CNTN5: variants seen among roughly 807,000 people sequenced by gnomAD.
The protein encoded by CNTN5 is contactin 5.
In CNTN5, 77 loss-of-function variants were observed where a neutral mutation model predicts 129.1. The observed-to-expected ratio is 0.60, with a 90% CI of 0.50 to 0.72. CNTN5 has a LOEUF of 0.72. CNTN5 is among the 30% of genes least tolerant of loss of function. CNTN5 has a pLI of 0.00. For missense variants in CNTN5, 1,478 were observed against 1,328.8 expected, an observed-to-expected ratio of 1.11 and a Z score of -1.75; for synonymous variants, 509 against 465.6, an observed-to-expected ratio of 1.09 and a Z score of -1.20.
intron 6 of CNTN5, among the ~76,000 whole-genome samples, chr11:99,848,579 A>G (rs1227117231): frequency 6.6e-6 from 1 of 152,190 alleles, no homozygotes; most frequent in Non-Finnish European, 1.5e-5. Context: ...AAATCAGACT[A>G]AATTTATAAA....
At chr11:100,058,208 A>G (rs761885913) in intron 9 of CNTN5, among the ~76,000 whole-genome samples, 9 of 152,150 alleles carry the variant, frequency 5.9e-5, no homozygotes, top group Non-Finnish European at 8.8e-5. Context: ...AAATTTAAAC[A>G]ATACAATCAA....
chr11:99,490,919 G>GT (rs1946010065), intron 2 of CNTN5, among the ~76,000 whole-genome samples: 1 of 151,146 alleles, frequency 6.6e-6, no homozygotes, highest in East Asian at 1.9e-4. Context: ...AGTTGCCCTT[G>GT]TGTGGGGTTA....
intron 3 of CNTN5, among the ~76,000 whole-genome samples, chr11:99,653,103 A>C (rs1168532158): frequency 2.0e-5 from 3 of 152,012 alleles, no homozygotes; most frequent in Admixed American, 1.3e-4. Context: ...ATTGGTGACA[A>C]CTTTGAAAAA....
chr11:100,023,434 C>T (rs1472746660), intron 9 of CNTN5, among the ~76,000 whole-genome samples: 1 of 152,186 alleles, frequency 6.6e-6, no homozygotes, highest in Non-Finnish European at 1.5e-5. Context: ...CCTACACATT[C>T]TCAGTCTCCT....
chr11:100,350,979 G>T (rs1247026395), intron 24 of CNTN5, 109 bp downstream of exon 24: 1 of 775,964 alleles, frequency 1.3e-6, no homozygotes, highest in Middle Eastern at 2.5e-4. Flanking sequence ...GATTTTGAGG[G>T]ATTTCTCCTC....
At chr11:99,045,146 A>T (rs1864156988) in intron 1 of CNTN5, among the ~76,000 whole-genome samples, 1 of 152,228 alleles carries the variant, frequency 6.6e-6, no homozygotes, top group Non-Finnish European at 1.5e-5. Context: ...GTAGGGTGTG[A>T]ACAAGTTAGT....
In CNTN5 at chr11:99,398,008, T is replaced by C. The variant is rs560934997; in HGVS notation, c.-71+72524T>C. Among the ~76,000 whole-genome samples the C allele has an allele frequency of 1.1e-3, 172 of 151,968 alleles. 5 individuals carry two copies. In the South Asian group the frequency reaches 0.035, roughly 31 times the overall value. ...CTATATTAAGCTAAACATGAGTTCA[T>C]ACTGATGTCTCCCAGTCTAATCTAT... On this transcript the variant is annotated intron_variant, in intron 2 of 24. Coordinates refer to ENST00000524871, the MANE Select transcript of CNTN5 (RefSeq NM_014361.4).
chr11:99,699,616 G>A (rs1250104298), intron 3 of CNTN5, among the ~76,000 whole-genome samples: 1 of 151,504 alleles, frequency 6.6e-6, no homozygotes, highest in African/African-American at 2.4e-5. Flanking sequence ...AGTATTAAGT[G>A]TATATAAATC....
chr11:99,980,702 TTTTG>T (rs1275521371), intron 8 of CNTN5, among the ~76,000 whole-genome samples: 1 of 152,138 alleles, frequency 6.6e-6, no homozygotes, highest in African/African-American at 2.4e-5. Context: ...GTAAGATTCT[TTTTG>T]TTTTTTATTT....
At chr11:99,810,896 C>G (rs556517917) in intron 3 of CNTN5, among the ~76,000 whole-genome samples, 1 of 152,172 alleles carries the variant, frequency 6.6e-6, no homozygotes, top group African/African-American at 2.4e-5. Context: ...TCTGTATACT[C>G]TGTCATGAAT....
At chr11:100,078,884 G>C (rs1450899114) in intron 13 of CNTN5, among the ~76,000 whole-genome samples, 1 of 151,966 alleles carries the variant, frequency 6.6e-6, no homozygotes, top group Non-Finnish European at 1.5e-5. Context: ...ATAAAGTACT[G>C]CCCAAGACTG....
At chr11:100,014,393 C>T (rs1377006477) in intron 9 of CNTN5, among the ~76,000 whole-genome samples, 1 of 151,972 alleles carries the variant, frequency 6.6e-6, no homozygotes, top group Middle Eastern at 3.2e-3. Flanking sequence ...AAACATAGTT[C>T]AAATCTATTA....
intron 3 of CNTN5, among the ~76,000 whole-genome samples, chr11:99,589,759 A>T (rs917997264): frequency 9.9e-5 from 15 of 151,778 alleles, no homozygotes; most frequent in African/African-American, 3.6e-4. Context: ...AGTGTACATG[A>T]ATATAAAACA....
chr11:99,669,003 A>C (rs1306622002), intron 3 of CNTN5, among the ~76,000 whole-genome samples: 1 of 152,138 alleles, frequency 6.6e-6, no homozygotes, highest in Non-Finnish European at 1.5e-5. Context: ...ACAATTTTGA[A>C]ATATGTATTT....
rs972885182 is a variant in CNTN5, at chr11:100,236,246, T to C, written c.2005+11434T>C. Among the ~76,000 whole-genome samples, 8 of 152,276 alleles carry C rather than the reference T, an allele frequency of 5.3e-5. No individual in the cohort carries two copies. In the South Asian group the frequency reaches 1.2e-3, roughly 24 times the overall value. The stretch of plus-strand genomic sequence containing the variant: ...TACTCCTTCTTTAAGCACTCACTCA[T>C]TGGGGCAGCGTTAAGTCCAGTCCTG... On this transcript the variant is annotated intron_variant, in intron 16 of 24. Transcript: ENST00000524871.
chr11:99,784,731 A>G (rs1945449540), intron 3 of CNTN5, among the ~76,000 whole-genome samples: 2 of 150,420 alleles, frequency 1.3e-5, no homozygotes, highest in South Asian at 4.2e-4. Context: ...CCTCTCCAGC[A>G]TCTGTTGTTT....
At chr11:99,897,505 TA>T (rs371917808) in intron 6 of CNTN5, among the ~76,000 whole-genome samples, 108 of 149,626 alleles carry the variant, frequency 7.2e-4, no homozygotes, top group African/African-American at 2.0e-3. Context: ...TAGCCTCCTT[TA>T]AAAAAAAAAT....
chr11:99,387,962 A>AT (rs58900130), intron 2 of CNTN5, among the ~76,000 whole-genome samples: 34,895 of 151,962 alleles, frequency 0.23, 4,796 homozygotes, highest in Middle Eastern at 0.32. Context: ...ATGTATCAAA[A>AT]TTTTTTTAAG....
intron 6 of CNTN5, among the ~76,000 whole-genome samples, chr11:99,901,825 C>T (rs1477962800): frequency 1.3e-5 from 2 of 152,188 alleles, no homozygotes; most frequent in Non-Finnish European, 2.9e-5. Flanking sequence ...TACAAGGATA[C>T]ATATGCTACC....
Sources: allele counts gnomAD v4.1 joint callset (sites outside exome capture counted in the v4.1 genomes callset), GRCh38; gene constraint gnomAD v4.1.1; transcripts MANE v1.5; gene names NCBI Gene and HGNC (gene_info 2026-07-23, HGNC 2026-07-21).